NCK1: variants seen among roughly 807,000 people sequenced by gnomAD.
NCK1 encodes NCK adaptor protein 1, also known as SH2/SH3 adapter protein NCK1.
In NCK1, 19 loss-of-function variants were observed where a neutral mutation model predicts 36.6. The ratio of observed to expected loss-of-function variants is 0.52; its 90% CI spans 0.36 to 0.76. The LOEUF is 0.76. Among genes scored for constraint, NCK1 ranks in the 30% least tolerant of loss-of-function variants. The pLI, the probability that NCK1 is intolerant of heterozygous loss-of-function variation, is 0.00. For synonymous variants in NCK1, 165 were observed against 156.0 expected (o/e 1.06, Z -0.43); for missense variants, 358 against 445.6 (o/e 0.80, Z 1.77).
intron 1 of NCK1, among the ~76,000 whole-genome samples, chr3:136,915,897 T>G (rs1227294846): frequency 6.6e-6 from 1 of 151,990 alleles, no homozygotes; most frequent in Non-Finnish European, 1.5e-5. Context: ...GGCTAACTTT[T>G]GTATTATTAG....
chr3:136,912,402 T>C (rs1299297293), intron 1 of NCK1, among the ~76,000 whole-genome samples: 1 of 152,024 alleles, frequency 6.6e-6, no homozygotes, highest in Non-Finnish European at 1.5e-5. Flanking sequence ...TTTCAAATAA[T>C]CTCTTTGCCC....
chr3:136,913,485 C>G (rs1016919533), intron 1 of NCK1, among the ~76,000 whole-genome samples: 2 of 152,070 alleles, frequency 1.3e-5, no homozygotes, highest in Non-Finnish European at 2.9e-5. Context: ...CCAAGCTTGT[C>G]TAGAACTCCT....
intron 1 of NCK1, among the ~76,000 whole-genome samples, chr3:136,885,771 T>C (rs1270767859): frequency 3.3e-5 from 5 of 152,194 alleles, no homozygotes; most frequent in African/African-American, 1.2e-4. Flanking sequence ...TACAGTGAGA[T>C]AATACAGTTA....
chr3:136,890,522 C>T (rs777267688), intron 1 of NCK1, among the ~76,000 whole-genome samples: 5 of 152,224 alleles, frequency 3.3e-5, no homozygotes, highest in South Asian at 2.1e-4. Context: ...GTGCCAAGAG[C>T]GAGCGAGGGC....
chr3:136,872,725 T>G (rs1387633704), intron 1 of NCK1, among the ~76,000 whole-genome samples: 2 of 152,202 alleles, frequency 1.3e-5, no homozygotes, highest in Admixed American at 6.5e-5. Flanking sequence ...ATGTGCAGCC[T>G]AGGGACTTGG....
intron 2 of NCK1, among the ~76,000 whole-genome samples, chr3:136,938,513 T>C (rs1940593004): frequency 6.6e-6 from 1 of 152,204 alleles, no homozygotes; most frequent in African/African-American, 2.4e-5. Context: ...TTGTGCAGTC[T>C]ATTTAGTACC....
chr3:136,865,063 A>G (rs963851157), intron 1 of NCK1, among the ~76,000 whole-genome samples: 12 of 151,970 alleles, frequency 7.9e-5, no homozygotes, highest in East Asian at 1.9e-4. Flanking sequence ...GGTTCAAGCA[A>G]TTCTCTGCCT....
intron 1 of NCK1, among the ~76,000 whole-genome samples, chr3:136,906,175 G>A (rs1939679545): frequency 6.6e-6 from 1 of 151,468 alleles, no homozygotes; most frequent in Non-Finnish European, 1.5e-5. Context: ...TAGTCTCTGT[G>A]TGTTTTCTTT....
At chr3:136,864,661 C>T (rs574582417) in intron 1 of NCK1, among the ~76,000 whole-genome samples, 56 of 152,032 alleles carry the variant, frequency 3.7e-4, no homozygotes, top group Admixed American at 1.3e-3. Context: ...GTAGTGATAC[C>T]CTGTCTCTAA....
At chr3:136,862,780 CT>C (rs1560026355) in intron 1 of NCK1, among the ~76,000 whole-genome samples, 2 of 152,234 alleles carry the variant, frequency 1.3e-5, no homozygotes, top group Non-Finnish European at 2.9e-5. Flanking sequence ...GAAGGGCGCT[CT>C]CACCTCCAGC....
chr3:136,888,334 G>A (rs1399557928), intron 1 of NCK1, among the ~76,000 whole-genome samples: 1 of 152,090 alleles, frequency 6.6e-6, no homozygotes, highest in Non-Finnish European at 1.5e-5. Context: ...ATACTATACA[G>A]TTCACTCATT....
At chr3:136,931,008 AC>A (rs984836332) in intron 2 of NCK1, among the ~76,000 whole-genome samples, 3 of 151,674 alleles carry the variant, frequency 2.0e-5, no homozygotes, top group South Asian at 4.2e-4. Context: ...CTTTTTGCTT[AC>A]TTTTTTTTTA....
At chr3:136,893,196 A>ACACACACACACACACACAC (rs1560038452) in intron 1 of NCK1, among the ~76,000 whole-genome samples, 69 of 18,744 alleles carry the variant, frequency 3.7e-3, no homozygotes, top group Middle Eastern at 0.029. Context: ...ATATATACAC[A>ACACACACACACACACACAC]CATGTGCAAG....
chr3:136,900,114 T>G (rs971596411), intron 1 of NCK1: 2 of 395,548 alleles, frequency 5.1e-6, no homozygotes, highest in African/African-American at 4.1e-5. Context: ...CTTCCCAAGT[T>G]CTTGTTGGCT....
intron 1 of NCK1, among the ~76,000 whole-genome samples, chr3:136,903,866 A>G (rs182228802): frequency 6.6e-6 from 1 of 151,898 alleles, no homozygotes; most frequent in East Asian, 1.9e-4. Context: ...TCTCTTATTA[A>G]TTATTATTTT....
Position 136,882,125 on chromosome 3 carries a change from T to C in NCK1, c.-19+19772T>C, listed in dbSNP as rs139089428. On this transcript the variant is annotated intron_variant, in intron 1 of 3. Transcript: ENST00000481752. ...ACCATTTTCCATAGCAGCTGCACCA[T>C]TTTACATTACCACCAACCGTGCATA... Among the ~76,000 whole-genome samples, 4 of 152,036 alleles carry C rather than the reference T, an allele frequency of 2.6e-5. No individual in the cohort carries two copies. In the East Asian group the frequency reaches 5.8e-4, roughly 22 times the overall value.
chr3:136,929,302 A>G (rs1940332729), intron 2 of NCK1, among the ~76,000 whole-genome samples: 1 of 152,230 alleles, frequency 6.6e-6, no homozygotes. Context: ...AAATACAAAT[A>G]TTTAATGTTT....
At chr3:136,877,853 A>C (rs1229070580) in intron 1 of NCK1, among the ~76,000 whole-genome samples, 1 of 152,120 alleles carries the variant, frequency 6.6e-6, no homozygotes, top group East Asian at 1.9e-4. Flanking sequence ...TAAAAACAGG[A>C]GGATTTCTTG....
At chr3:136,918,166 T>A (rs766958324) in intron 1 of NCK1, among the ~76,000 whole-genome samples, 1 of 152,190 alleles carries the variant, frequency 6.6e-6, no homozygotes, top group Non-Finnish European at 1.5e-5. Flanking sequence ...CAGCAAGAGT[T>A]GGCTAAATGT....
Sources: gnomAD v4.1 joint callset for allele counts (sites outside exome capture counted in the v4.1 genomes callset) on GRCh38, gnomAD v4.1.1 for gene constraint, MANE v1.5 for transcripts, NCBI Gene and HGNC (gene_info 2026-07-23, HGNC 2026-07-21) for gene names.